CEP290: variants seen among roughly 807,000 people sequenced by gnomAD.
CEP290 encodes centrosomal protein of 290 kDa.
Under a neutral mutation model 344.9 loss-of-function variants are expected in CEP290, and 317 were observed. The ratio of observed to expected loss-of-function variants is 0.92; its 90% CI spans 0.84 to 1.01. The LOEUF (loss-of-function observed/expected upper bound fraction) is 1.01. Among genes scored for constraint, CEP290 ranks in the 50% least tolerant of loss-of-function variants. CEP290 has a pLI of 0.00. For synonymous variants in CEP290, 932 were observed against 895.8 expected, an observed-to-expected ratio of 1.04 and a Z score of -0.72; for missense variants, 2,754 against 2,761.4, an observed-to-expected ratio of 1.00 and a Z score of 0.06.
chr12:88,082,450 T>C (rs2137140187), intron 37 of CEP290, among the ~76,000 whole-genome samples: 1 of 152,280 alleles, frequency 6.6e-6, no homozygotes, highest in Non-Finnish European at 1.5e-5. Context: ...CCCAGCACTT[T>C]GGGAGGCCGA....
rs564521017 is a variant in CEP290, at chr12:88,102,307, T to C, written c.2991+531A>G. Among the ~76,000 whole-genome samples the C allele has an allele frequency of 5.3e-5, 8 of 152,314 alleles. No homozygotes were observed. The East Asian group carries it at 9.6e-4, about 18-fold the overall frequency. ...CTACATTAAAATTCTACATTTATTCTACAATAAAAAATGATGAGAATTTAC... is the reference window on the plus strand; with the variant it reads ...CTACATTAAAATTCTACATTTATTCCACAATAAAAAATGATGAGAATTTAC... On this transcript the variant is annotated intron_variant, in intron 26 of 53. Transcript: ENST00000552810.
chr12:88,069,544 T>C (rs1479734749), intron 43 of CEP290, among the ~76,000 whole-genome samples: 2 of 151,956 alleles, frequency 1.3e-5, no homozygotes. Context: ...AACAAGAGAG[T>C]AACTATAAAC....
chr12:88,135,187 G>A (rs1311228190), intron 6 of CEP290, among the ~76,000 whole-genome samples: 1 of 152,062 alleles, frequency 6.6e-6, no homozygotes, highest in Non-Finnish European at 1.5e-5. Flanking sequence ...ACTGGTTAAC[G>A]GCAAAGAAGT....
chr12:88,080,237 C>G lies in CEP290; in HGVS notation c.5171G>C (p.Arg1724Thr), dbSNP rs759051954. The change falls in exon 38 of 54, where the codon AGA becomes ACA. Residue 1724 changes from arginine (R) to threonine (T), a missense_variant. Coordinates refer to ENST00000552810, the MANE Select transcript of CEP290 (RefSeq NM_025114.4). ...ANSRAPTTTM[R>T]NLVERLKSQL... ...GCTCTTTAGCCGTTCTACTAGATTT[C>G]TCATTGTAGTTGTTGGAGCTCTTGA... is the stretch of plus-strand genomic sequence containing the variant. 1 of 1,613,276 alleles carries G rather than the reference C, an allele frequency of 6.2e-7. No individual in the cohort carries two copies. Among genetic ancestry groups the G allele is most frequent in the South Asian group, 1.1e-5 (1 of 91,032 alleles).
At chr12:88,072,009 G>T in intron 41 of CEP290, 83 bp from the exon 42 acceptor site, 1 of 1,260,830 alleles carries the variant, frequency 7.9e-7, no homozygotes, top group South Asian at 1.7e-5. Flanking sequence ...AATTTGCCTA[G>T]AAAAATTGTA....
chr12:88,055,358 G>C (rs1157533911), intron 50 of CEP290, among the ~76,000 whole-genome samples: 1 of 152,100 alleles, frequency 6.6e-6, no homozygotes, highest in Admixed American at 6.6e-5. Flanking sequence ...TTTGAAAATA[G>C]AGCTGACATG....
At chr12:88,131,452 G>A (rs553305231) in intron 6 of CEP290, among the ~76,000 whole-genome samples, 137 of 151,902 alleles carry the variant, frequency 9.0e-4, no homozygotes, top group African/African-American at 3.1e-3. Context: ...TAGTAGAGAC[G>A]GGGTTTCACT....
chr12:88,126,306 A>C lies in CEP290; in HGVS notation c.1065+10T>G. The stretch of plus-strand genomic sequence containing the variant: ...ACTGGTTGATAAACAAAATTCTGTT[A>C]AGATTTTACCTGCTGTAGAGCCATA... On this transcript the variant is annotated intron_variant, in intron 12 of 53. Coordinates refer to ENST00000552810, the MANE Select transcript of CEP290 (RefSeq NM_025114.4). 6.9e-7 allele frequency: 1 copy of C among 1,439,608 alleles called. No individual in the cohort carries two copies. The allele number at this position is 1,439,608 out of a possible 1,614,324, so 89.2% of individuals were successfully genotyped here. A position where few individuals can be genotyped will look rare whatever the true frequency, so the allele number is the denominator to read the frequency against.
At chr12:88,141,500 A>ATAGCAGTCGGCACAAACTGTC (rs2040661440) in intron 1 of CEP290, among the ~76,000 whole-genome samples, 166 bp from the exon 2 acceptor site, 1 of 141,648 alleles carries the variant, frequency 7.1e-6, no homozygotes, top group Non-Finnish European at 1.6e-5. Context: ...TTGATCAAAA[A>ATAGCAGTCGGCACAAACTGTC]TAGCAGTCGG....
chr12:88,093,680 G>T, intron 28 of CEP290, 90 bp downstream of exon 28: 1 of 908,444 alleles, frequency 1.1e-6, no homozygotes, highest in African/African-American at 1.7e-5. Flanking sequence ...ATATTTCAGA[G>T]ATCCAGACAA....
At chr12:88,084,970 G>A (rs2036470887) in intron 34 of CEP290, 118 bp from the exon 35 acceptor site, 1 of 727,806 alleles carries the variant, frequency 1.4e-6, no homozygotes, top group South Asian at 2.1e-5. Context: ...CACATCATAT[G>A]TACAATAGCC....
intron 20 of CEP290, among the ~76,000 whole-genome samples, chr12:88,113,266 G>A (rs999360473): frequency 1.3e-5 from 2 of 151,930 alleles, no homozygotes; most frequent in African/African-American, 2.4e-5. Context: ...GTTTGATCTG[G>A]GACACAGTAT....
At chr12:88,064,455 T>C (rs1280999087) in intron 44 of CEP290, among the ~76,000 whole-genome samples, 1 of 152,160 alleles carries the variant, frequency 6.6e-6, no homozygotes, top group Non-Finnish European at 1.5e-5. Flanking sequence ...CTAACCGTTA[T>C]GGGTTGAACT....
At chr12:88,087,719 C>CAAAAAAAA (rs375540609) in intron 32 of CEP290, 61 bp downstream of exon 32, 3 of 129,598 alleles carry the variant, frequency 2.3e-5, no homozygotes, top group African/African-American at 1.0e-4. Context: ...GACTCCATCT[C>CAAAAAAAA]AAAAAAAAAA....
At chr12:88,136,947 A>C (rs1200897035) in intron 5 of CEP290, among the ~76,000 whole-genome samples, 161 bp from the exon 6 acceptor site, 1 of 151,800 alleles carries the variant, frequency 6.6e-6, no homozygotes, top group Non-Finnish European at 1.5e-5. Flanking sequence ...TTTTTAATTT[A>C]ACTTACTTAA....
chr12:88,110,324 GTAGTA>G (rs1328404770), intron 22 of CEP290, among the ~76,000 whole-genome samples: 1 of 152,126 alleles, frequency 6.6e-6, no homozygotes, highest in Non-Finnish European at 1.5e-5. Context: ...CCCAGGGCAG[GTAGTA>G]TAGTAGAGTA....
rs2136704344 is a variant in CEP290, at chr12:88,058,880, G to A, written c.6786C>T (p.Asp2262=). Residue 2262 remains aspartate, a synonymous_variant, in exon 49 of 54, where the codon GAC becomes GAT. Transcript: ENST00000552810. ...CCACAATGGATTTCCAGCTCTTACT[G>A]TCAGCACCTTCAAGCTGTGGACCTC... ...ESRGPQLEGA[D]SKSWKSIVVT... The A allele has an allele frequency of 6.2e-7, 1 of 1,613,858 alleles. No homozygotes were observed. The highest frequency in any genetic ancestry group is 8.5e-7 in the Non-Finnish European group (1 of 1,179,882).
Position 88,058,906 on chromosome 12 carries a change from T to C in CEP290, c.6760A>G (p.Arg2254Gly). Residue 2254 changes from arginine to glycine, a missense_variant, in exon 49 of 54, where the codon AGA (arginine) becomes GGA (glycine). Coordinates refer to ENST00000552810, the MANE Select transcript of CEP290 (RefSeq NM_025114.4). ...TGKRLQFAES[R>G]GPQLEGADSK... ...TCAGCACCTTCAAGCTGTGGACCTC[T>C]GCTTTCTGCAAACTGCAATCTCTTA... is the stretch of plus-strand genomic sequence containing the variant. The C allele has an allele frequency of 6.2e-7, 1 of 1,614,032 alleles. No homozygotes were observed.
chr12:88,077,330 T>C lies in CEP290; in HGVS notation c.5601A>G (p.Thr1867=), dbSNP rs755935924. The C allele has an allele frequency of 1.3e-6, 2 of 1,548,554 alleles. No individual in the cohort carries two copies. The highest frequency in any genetic ancestry group is 2.5e-5 in the South Asian group (2 of 80,730). ...LTSGLQGKPL[T]DNKQSLIEEL... Reference sequence around the variant, plus strand: ...CTTCAATTAGACTTTGTTTATTATCTGTCAGGGGTTTGCCCTAAAAAATAA... The same window carrying C: ...CTTCAATTAGACTTTGTTTATTATCCGTCAGGGGTTTGCCCTAAAAAATAA... The change falls in exon 41 of 54, where the codon ACA becomes ACG. Residue 1867 remains threonine (T), a synonymous_variant. Coordinates refer to ENST00000552810, the MANE Select transcript of CEP290 (RefSeq NM_025114.4).
Sources: gnomAD v4.1 joint callset for allele counts (sites outside exome capture counted in the v4.1 genomes callset) on GRCh38, gnomAD v4.1.1 for gene constraint, MANE v1.5 for transcripts, NCBI Gene and HGNC (gene_info 2026-07-23, HGNC 2026-07-21) for gene names.